The following MBTPS1 variants were observed in gnomAD, a reference collection of about 807,000 sequenced individuals.
MBTPS1 encodes membrane-bound transcription factor site-1 protease.
In MBTPS1, 94 loss-of-function variants were observed where a neutral mutation model predicts 127.8. The observed-to-expected ratio is 0.74, with a 90% confidence interval of 0.62 to 0.87. The LOEUF (loss-of-function observed/expected upper bound fraction) is 0.87. Among genes scored for constraint, MBTPS1 ranks in the 40% least tolerant of loss-of-function variants. The pLI is 0.00. For missense variants in MBTPS1, 1,636 were observed against 1,353.2 expected (o/e 1.21, Z -3.28); for synonymous variants, 632 against 509.4 (o/e 1.24, Z -3.24).
intron 5 of MBTPS1, 113 bp from the exon 6 acceptor site, chr16:84,093,410 G>C: frequency 1.3e-6 from 1 of 748,964 alleles, no homozygotes; most frequent in Non-Finnish European, 2.3e-6. Flanking sequence ...CTGGATAGAG[G>C]AGGGCCTCTG....
At chr16:84,079,441 T>A (rs1463391529) in intron 11 of MBTPS1, among the ~76,000 whole-genome samples, 1 of 152,034 alleles carries the variant, frequency 6.6e-6, no homozygotes, top group African/African-American at 2.4e-5. Flanking sequence ...TGAGTCCAAC[T>A]GTATTAAAAA....
intron 1 of MBTPS1, among the ~76,000 whole-genome samples, chr16:84,113,941 C>G (rs184779822): frequency 3.6e-4 from 53 of 147,682 alleles, no homozygotes; most frequent in African/African-American, 1.3e-3. Context: ...TATGGTAAAA[C>G]AAAGGTGTCT....
At chr16:84,066,061 G>T (rs1370522072) in intron 17 of MBTPS1, among the ~76,000 whole-genome samples, 5 of 152,108 alleles carry the variant, frequency 3.3e-5, no homozygotes, top group Non-Finnish European at 4.4e-5. Context: ...GCAGTGAAAG[G>T]CTCAAAACAA....
rs5818481 is a variant in MBTPS1, at chr16:84,087,473, C to CAAAAAAAAAAAA, written c.1032-25_1032-14dup. On this transcript the variant is annotated splice_polypyrimidine_tract_variant and intron_variant, in intron 8 of 22. Transcript: ENST00000343411. Reference sequence around the variant, plus strand: ...GTTATTCAGAGTGCTATATTGAGACCAAAAAAAAAAAAAAAGAAAAGAAAA... The same window carrying CAAAAAAAAAAAA: ...GTTATTCAGAGTGCTATATTGAGACCAAAAAAAAAAAAAAAAAAAAAAAAAAAGAAAAGAAAA... 1.6e-5 allele frequency: 17 copies of CAAAAAAAAAAAA among 1,036,162 alleles called. No individual in the cohort carries two copies. Among genetic ancestry groups the CAAAAAAAAAAAA allele is most frequent in the South Asian group, 1.2e-4 (8 of 66,078 alleles). 64.2% of individuals were successfully genotyped at this position (1,036,162 alleles called of 1,614,324 possible).
intron 19 of MBTPS1, chr16:84,061,131 T>A (rs2085606027): frequency 5.8e-6 from 1 of 171,426 alleles, no homozygotes; most frequent in Non-Finnish European, 1.2e-5. Flanking sequence ...AATTTAGCTT[T>A]TAAGAAGAAA....
intron 3 of MBTPS1, among the ~76,000 whole-genome samples, chr16:84,096,082 TA>T (rs1171683539): frequency 1.3e-5 from 2 of 152,168 alleles, no homozygotes; most frequent in Admixed American, 6.6e-5. Flanking sequence ...ATAATAATTT[TA>T]AAAAGCTAAT....
intron 19 of MBTPS1, chr16:84,061,153 A>ATT (rs61201379): frequency 5.6e-5 from 9 of 160,170 alleles, no homozygotes; most frequent in Admixed American, 1.9e-4. Context: ...CTCTAAAGGA[A>ATT]TTTTTTTTAA....
chr16:84,085,350 T>C (rs1045928876), intron 9 of MBTPS1, among the ~76,000 whole-genome samples: 1 of 152,180 alleles, frequency 6.6e-6, no homozygotes, highest in Non-Finnish European at 1.5e-5. Flanking sequence ...GTGGACTGCT[T>C]GAGCCCAGGA....
intron 3 of MBTPS1, among the ~76,000 whole-genome samples, chr16:84,098,554 C>A (rs923195802): frequency 6.6e-6 from 1 of 152,070 alleles, no homozygotes; most frequent in African/African-American, 2.4e-5. Context: ...TTGAGGTGAG[C>A]CAAGATCGCG....
intron 19 of MBTPS1, among the ~76,000 whole-genome samples, chr16:84,062,823 G>A (rs1039318504): frequency 2.8e-4 from 43 of 152,172 alleles, no homozygotes; most frequent in Admixed American, 1.4e-3. Flanking sequence ...GATAACAAAC[G>A]CTCTTCACTG....
chr16:84,110,101 G>A (rs900968536), intron 1 of MBTPS1, among the ~76,000 whole-genome samples: 3 of 152,190 alleles, frequency 2.0e-5, no homozygotes, highest in Admixed American at 2.0e-4. Context: ...TATTTTAAAT[G>A]TGGTGACAGG....
At position 84,093,725 on chromosome 16, in the gene MBTPS1, C is replaced by G; in HGVS notation, c.722G>C (p.Arg241Pro). 4 of 1,613,020 alleles carry G rather than the reference C, an allele frequency of 2.5e-6. No individual in the cohort carries two copies. The highest frequency in any genetic ancestry group is 3.4e-6 in the Non-Finnish European group (4 of 1,178,986). ...VKERTNWTNE[R>P]TLDDGLGHGT... ...CTGAGACCCACCATCGTCCAGCGTT[C>G]GCTCGTTGGTCCAGTTGGTTCTCTC... The change falls in exon 5 of 23, where the codon CGA becomes CCA. Residue 241 changes from arginine (R) to proline (P), a missense_variant. By Grantham distance (103) the Arg-to-Pro change is moderately radical. Transcript: ENST00000343411.
chr16:84,091,898 G>A (rs746078144), intron 6 of MBTPS1, 50 bp from the exon 7 acceptor site: 1 of 1,051,212 alleles, frequency 9.5e-7, no homozygotes, highest in East Asian at 2.4e-5. Context: ...AAGTTTTAAA[G>A]TGCTAGGACA....
intron 9 of MBTPS1, chr16:84,086,434 A>G (rs780652654): frequency 1.3e-5 from 2 of 152,402 alleles, no homozygotes; most frequent in Non-Finnish European, 2.9e-5. Flanking sequence ...TGCCCTGCAC[A>G]GACTGTCACA....
Position 84,068,332 on chromosome 16 carries a change from C to T in MBTPS1, c.2071+7G>A, listed in dbSNP as rs537202299. On this transcript the variant is annotated splice_region_variant and intron_variant, in intron 15 of 22. Transcript: ENST00000343411. ...GACCATCTGGCTAGCACAGCAGTGC[C>T]ACTTACCATACTGACTGGCATCAAA... 35 of 1,575,472 alleles carry T rather than the reference C, an allele frequency of 2.2e-5. 1 individual carries two copies. The highest frequency in any genetic ancestry group is 3.3e-5 in the Admixed American group (2 of 59,962).
intron 8 of MBTPS1, among the ~76,000 whole-genome samples, chr16:84,088,947 T>G (rs981440340): frequency 6.6e-6 from 1 of 152,204 alleles, no homozygotes; most frequent in Non-Finnish European, 1.5e-5. Flanking sequence ...GGGGCCTTCC[T>G]GGCAAGGCTC....
At chr16:84,115,303 G>C (rs1267433741) in intron 1 of MBTPS1, among the ~76,000 whole-genome samples, 3 of 152,160 alleles carry the variant, frequency 2.0e-5, no homozygotes, top group Non-Finnish European at 4.4e-5. Flanking sequence ...GGTTCCGCAA[G>C]CTCTGCATTG....
intron 1 of MBTPS1, among the ~76,000 whole-genome samples, chr16:84,102,547 A>G (rs1052687097): frequency 6.6e-6 from 1 of 152,184 alleles, no homozygotes; most frequent in African/African-American, 2.4e-5. Flanking sequence ...TATTAAGCAC[A>G]CTGGACCTGA....
chr16:84,070,511 AG>A, intron 13 of MBTPS1, 76 bp downstream of exon 13: 23 of 1,425,198 alleles, frequency 1.6e-5, no homozygotes, highest in Non-Finnish European at 2.1e-5. Context: ...TGGAGACCCC[AG>A]GCATTTGGCC....
Sources: gnomAD v4.1 joint callset for allele counts (sites outside exome capture counted in the v4.1 genomes callset) on GRCh38, gnomAD v4.1.1 for gene constraint, MANE v1.5 for transcripts, NCBI Gene and HGNC (gene_info 2026-07-23, HGNC 2026-07-21) for gene names.